The following NLRP2 variants were observed in gnomAD, a reference collection of about 807,000 sequenced individuals.
NLRP2 encodes the protein NACHT, LRR and PYD domains-containing protein 2.
In NLRP2, 107 loss-of-function variants were observed where a neutral mutation model predicts 97.2. The ratio of observed to expected loss-of-function variants is 1.10; its 90% CI spans 0.94 to 1.29. The LOEUF is 1.29. Ranked by LOEUF, NLRP2 falls within the 50% of genes most tolerant of loss-of-function variation. The pLI is 0.00. For synonymous variants in NLRP2, 663 were observed against 551.5 expected, an observed-to-expected ratio of 1.20 and a Z score of -2.83; for missense variants, 1,495 against 1,330.3, an observed-to-expected ratio of 1.12 and a Z score of -1.93.
intron 4 of NLRP2, 92 bp from the exon 5 acceptor site, chr19:54,981,525 G>GCCC: frequency 1.0e-5 from 3 of 289,312 alleles, no homozygotes; most frequent in South Asian, 2.3e-5. Flanking sequence ...CCTCCCCCCC[G>GCCC]CCCCATCAGC....
In NLRP2 at chr19:54,982,947, G is replaced by A. The variant is rs267605682; in HGVS notation, c.1249G>A (p.Asp417Asn). The change falls in exon 6 of 13, where the codon GAC becomes AAC. Residue 417 changes from aspartate to asparagine, a missense_variant. Transcript: ENST00000448584. ...GAAGCTGCAGATGGAGAAGGGGGAG[G>A]ACCCGGTCCCCACCTGCCTCACCCG... Reference protein sequence around the residue: ...TLKLQMEKGEDPVPTCLTRTG... With the variant: ...TLKLQMEKGENPVPTCLTRTG... The A allele has an allele frequency of 3.3e-5, 53 of 1,612,370 alleles. No homozygotes were observed. Among genetic ancestry groups the A allele is most frequent in the Non-Finnish European group, 4.4e-5 (52 of 1,179,980 alleles).
intron 12 of NLRP2, 59 bp downstream of exon 12, chr19:54,997,546 A>G (rs1451788932): frequency 3.8e-6 from 6 of 1,558,486 alleles, no homozygotes; most frequent in Middle Eastern, 1.7e-4. Context: ...TAGGGGAAGC[A>G]TAATGACATG....
chr19:54,975,053 A>G (rs1288569882), intron 3 of NLRP2, among the ~76,000 whole-genome samples: 5 of 146,292 alleles, frequency 3.4e-5, no homozygotes, highest in Non-Finnish European at 7.5e-5. Flanking sequence ...TGCCCACCTC[A>G]GCGTCCCAAA....
intron 3 of NLRP2, among the ~76,000 whole-genome samples, chr19:54,975,185 A>G (rs1467054989): frequency 7.9e-6 from 1 of 127,260 alleles, no homozygotes; most frequent in Non-Finnish European, 1.6e-5. Context: ...GAGTGGTGCA[A>G]TCATGGTTCA....
chr19:54,998,631 C>CTTTTTTTTTTTTTTT (rs1179005483), intron 12 of NLRP2, among the ~76,000 whole-genome samples: 26 of 61,128 alleles, frequency 4.3e-4, no homozygotes, highest in Non-Finnish European at 5.0e-4. Context: ...TTTTTTTTTC[C>CTTTTTTTTTTTTTTT]TTTTTTTTTT....
At chr19:54,966,851 T>TTC (rs2070467025) in intron 1 of NLRP2, among the ~76,000 whole-genome samples, 1 of 111,862 alleles carries the variant, frequency 8.9e-6, no homozygotes, top group Non-Finnish European at 1.9e-5. Context: ...TTTTTTTTTT[T>TTC]CTTCTCTTTT....
intron 10 of NLRP2, chr19:54,993,984 G>A: frequency 1.9e-6 from 1 of 526,262 alleles, no homozygotes; most frequent in East Asian, 3.4e-5. Context: ...CCTCTTATGA[G>A]GATCCCTGTG....
At chr19:54,978,189 T>A (rs2071366943) in intron 4 of NLRP2, among the ~76,000 whole-genome samples, 2 of 151,542 alleles carry the variant, frequency 1.3e-5, no homozygotes, top group Middle Eastern at 3.5e-3. Context: ...TGACTCAGCC[T>A]CCTGAGTAGC....
intron 12 of NLRP2, among the ~76,000 whole-genome samples, chr19:54,999,042 A>ACCCCCCCAACCTCCCTCCTGGACG (rs1337867779): frequency 7.3e-6 from 1 of 136,102 alleles, no homozygotes; most frequent in Non-Finnish European, 1.6e-5. Flanking sequence ...CCTCCCGGAC[A>ACCCCCCCAACCTCCCTCCTGGACG]GGGCGGCTGG....
Position 54,990,348 on chromosome 19 carries a change from T to G in NLRP2, c.2538-154T>G, listed in dbSNP as rs567815007. The stretch of plus-strand genomic sequence containing the variant: ...GCCGATGGCCTGTGAATTTTGTTCT[T>G]CTCTCATTCCTATTCCTTCATAGGA... On this transcript the variant is annotated intron_variant, in intron 9 of 12. Coordinates refer to ENST00000448584, the MANE Select transcript of NLRP2 (RefSeq NM_017852.5). The G allele has an allele frequency of 2.9e-5, 33 of 1,129,100 alleles. 1 individual carries two copies. Among genetic ancestry groups the G allele is most frequent in the South Asian group, 2.3e-4 (18 of 79,168 alleles). The allele number at this position is 1,129,100 out of a possible 1,614,324, so 69.9% of individuals were successfully genotyped here.
intron 1 of NLRP2, among the ~76,000 whole-genome samples, chr19:54,968,352 TTTTG>T (rs1434766321): frequency 2.0e-5 from 3 of 151,782 alleles, no homozygotes; most frequent in African/African-American, 4.8e-5. Flanking sequence ...AGTGTTGTGT[TTTTG>T]TTTGTTTTAC....
At chr19:54,999,223 C>G (rs946743644) in intron 12 of NLRP2, among the ~76,000 whole-genome samples, 3 of 152,190 alleles carry the variant, frequency 2.0e-5, no homozygotes, top group African/African-American at 7.2e-5. Flanking sequence ...TCTCGGCTTA[C>G]TGCAACCTCC....
chr19:54,982,625 G>T lies in NLRP2; in HGVS notation c.927G>T (p.Glu309Asp). Reference sequence around the variant, plus strand: ...TCGAGGACATCTGCGGGGACTGGGAGAAGAAGAAGCCGGTGCCCGTCCTCC... The same window carrying T: ...TCGAGGACATCTGCGGGGACTGGGATAAGAAGAAGCCGGTGCCCGTCCTCC... ...ALIEDICGDWEKKKPVPVLLG... is the reference protein window; with the variant it reads ...ALIEDICGDWDKKKPVPVLLG... Residue 309 changes from glutamate (E) to aspartate (D), a missense_variant, in exon 6 of 13, where the codon GAG (glutamate) becomes GAT (aspartate). By Grantham distance (45) the Glu-to-Asp change is conservative (BLOSUM62 2). Transcript: ENST00000448584. The T allele has an allele frequency of 6.2e-7, 1 of 1,613,530 alleles. No homozygotes were observed. Among genetic ancestry groups the T allele is most frequent in the Non-Finnish European group, 8.5e-7 (1 of 1,179,498 alleles).
At chr19:54,976,809 T>A in intron 3 of NLRP2, 1 of 350,716 alleles carries the variant, frequency 2.9e-6, no homozygotes, top group African/African-American at 4.9e-5. Flanking sequence ...CCTTGTTCTC[T>A]CTCTTTTTTT....
intron 3 of NLRP2, chr19:54,976,876 G>T: frequency 2.5e-6 from 1 of 402,404 alleles, no homozygotes; most frequent in African/African-American, 2.6e-5. Flanking sequence ...GTGCAGTGGA[G>T]CGATCTTGGC....
intron 3 of NLRP2, among the ~76,000 whole-genome samples, chr19:54,975,075 A>G (rs1319896475): frequency 8.0e-6 from 1 of 125,702 alleles, no homozygotes; most frequent in Non-Finnish European, 1.7e-5. Context: ...TGCTGGGATT[A>G]TGGGCATGAG....
intron 1 of NLRP2, among the ~76,000 whole-genome samples, chr19:54,969,304 CAT>C (rs2070692824): frequency 6.6e-6 from 1 of 151,726 alleles, no homozygotes; most frequent in Non-Finnish European, 1.5e-5. Context: ...TGAAACCCCC[CAT>C]CTCTACTAAA....
chr19:54,981,547 T>C, intron 4 of NLRP2, 70 bp from the exon 5 acceptor site: 5 of 577,858 alleles, frequency 8.7e-6, no homozygotes, highest in South Asian at 7.0e-5. Flanking sequence ...TGCCTCCTTT[T>C]CTCTAATTGG....
At chr19:54,974,202 A>G in intron 2 of NLRP2, 1 of 579,730 alleles carries the variant, frequency 1.7e-6, no homozygotes, top group Non-Finnish European at 3.1e-6. Flanking sequence ...AAAAATACAA[A>G]ACTTAGCTGG....
Sources: allele counts gnomAD v4.1 joint callset (sites outside exome capture counted in the v4.1 genomes callset), GRCh38; gene constraint gnomAD v4.1.1; transcripts MANE v1.5; gene names NCBI Gene and HGNC (gene_info 2026-07-23, HGNC 2026-07-21).